The following TSPEAR variants were observed in gnomAD, a reference collection of about 807,000 sequenced individuals.
TSPEAR encodes thrombospondin-type laminin G domain and EAR repeat-containing protein.
TSPEAR carries 69 observed loss-of-function variants against 71.6 expected under a neutral mutation model. The ratio of observed to expected loss-of-function variants is 0.96; its 90% CI spans 0.79 to 1.18. TSPEAR has a LOEUF of 1.18. TSPEAR is among the 50% of genes most tolerant of loss of function. The probability of loss-of-function intolerance (pLI) is 0.00; values close to 1 mark genes in which losing one functional copy is unlikely to be tolerated. For missense variants in TSPEAR, 971 were observed against 894.9 expected, an observed-to-expected ratio of 1.09 and a Z score of -1.09; for synonymous variants, 402 against 387.2, an observed-to-expected ratio of 1.04 and a Z score of -0.45.
chr21:44,560,779 A>G (rs1360163576), intron 2 of TSPEAR, among the ~76,000 whole-genome samples: 1 of 152,222 alleles, frequency 6.6e-6, no homozygotes, highest in African/African-American at 2.4e-5. Flanking sequence ...GTTATTTGAA[A>G]CCAATGAGAA....
At chr21:44,504,557 T>G (rs1336593830) in intron 11 of TSPEAR, among the ~76,000 whole-genome samples, 30 of 70,318 alleles carry the variant, frequency 4.3e-4, no homozygotes, top group East Asian at 1.4e-3. Flanking sequence ...GGGAAGCAAG[T>G]CTCTTGGAGG....
intron 1 of TSPEAR, among the ~76,000 whole-genome samples, chr21:44,709,948 A>G (rs571471341): frequency 5.3e-4 from 81 of 152,282 alleles, no homozygotes; most frequent in Middle Eastern, 3.4e-3. Context: ...TCATCTTTTA[A>G]CTATTTGCAA....
At chr21:44,529,722 C>T (rs56921414) in intron 5 of TSPEAR, 76 bp downstream of exon 5, 1 of 1,559,072 alleles carries the variant, frequency 6.4e-7, no homozygotes, top group Non-Finnish European at 8.8e-7. Flanking sequence ...GAGCTGAGCC[C>T]TGAGTTCCCG....
intron 1 of TSPEAR, chr21:44,676,787 CT>C: frequency 1.1e-6 from 1 of 886,808 alleles, no homozygotes; most frequent in Non-Finnish European, 1.9e-6. Context: ...TGTTCTAATG[CT>C]TTTGCTACTA....
Position 44,499,997 on chromosome 21 carries a change from C to T in TSPEAR, c.1857-61G>A, listed in dbSNP as rs1258068201. 4.1e-5 allele frequency: 62 copies of T among 1,510,492 alleles called. 2 individuals are homozygous for T. In the East Asian group the frequency reaches 4.6e-4, roughly 11 times the overall value. The allele number at this position is 1,510,492 out of a possible 1,614,324, so 93.6% of individuals were successfully genotyped here. A position where few individuals can be genotyped will look rare whatever the true frequency, so the allele number is the denominator to read the frequency against. On this transcript the variant is annotated intron_variant, in intron 11 of 11. Transcript: ENST00000323084. ...GCTCTGCGGGGCAGCTCCTCTCCCC[C>T]GGCTCCCACCCGCGCTGTCAGGGAC... is the stretch of plus-strand genomic sequence containing the variant.
At position 44,529,878 on chromosome 21, in the gene TSPEAR, A is replaced by G; in HGVS notation, c.710T>C (p.Leu237Pro). 6.2e-7 allele frequency: 1 copy of G among 1,613,602 alleles called. No homozygotes were observed. The highest frequency in any genetic ancestry group is 8.5e-7 in the Non-Finnish European group (1 of 1,179,916). Reference protein sequence around the residue: ...PRLCPSRNAPLAVLSIPRVLQ... With the variant: ...PRLCPSRNAPPAVLSIPRVLQ... ...GACCCGTGGGATGGACAGCACCGCC[A>G]GCGGGGCGTTCCTGCTGGGACACAG... Residue 237 changes from leucine to proline, a missense_variant, in exon 5 of 12, where the codon CTG becomes CCG. Coordinates refer to ENST00000323084, the MANE Select transcript of TSPEAR (RefSeq NM_144991.3).
Position 44,529,914 on chromosome 21 carries a change from G to T in TSPEAR, c.674C>A (p.Ala225Asp). ...CCTGCTGGGACACAGCCTTGGGGTG[G>T]CGTCTGAGCCCGGCAGCAGGACCAG... ...RQLVLLPGSD[A>D]TPRLCPSRNA... is the part of the protein sequence containing the mutation. The change falls in exon 5 of 12, where the codon GCC becomes GAC. Residue 225 changes from alanine to aspartate, a missense_variant. Transcript: ENST00000323084. The T allele has an allele frequency of 2.5e-6, 4 of 1,611,082 alleles. No individual in the cohort carries two copies. The highest frequency in any genetic ancestry group is 2.5e-6 in the Non-Finnish European group (3 of 1,179,458).
At chr21:44,539,056 A>G (rs2053149237) in intron 2 of TSPEAR, 8 of 632,674 alleles carry the variant, frequency 1.3e-5, no homozygotes, top group Middle Eastern at 4.2e-4. Flanking sequence ...AGTGACCCAG[A>G]GCAGAGAAGC....
chr21:44,586,467 T>C (rs587632517), intron 1 of TSPEAR, among the ~76,000 whole-genome samples: 1 of 152,256 alleles, frequency 6.6e-6, no homozygotes, highest in Non-Finnish European at 1.5e-5. Flanking sequence ...AAAAAAAATT[T>C]ACCAAGAGAA....
Position 44,579,805 on chromosome 21 carries a change from C to T in TSPEAR, c.83-11800G>A, listed in dbSNP as rs7510461. The T allele has an allele frequency of 6.8e-3, 10,864 of 1,608,642 alleles. 380 individuals carry two copies. In the African/African-American group the frequency reaches 0.095, roughly 14 times the overall value. On this transcript the variant is annotated intron_variant, in intron 1 of 11. Coordinates refer to ENST00000323084, the MANE Select transcript of TSPEAR (RefSeq NM_144991.3). ...AGCACGCGGGGCGGCAGAGGAGGGA[C>T]ACGCAGGAGGCCGGGCGGCAGCAGC...
intron 1 of TSPEAR, among the ~76,000 whole-genome samples, chr21:44,703,965 AG>A (rs1220188311): frequency 6.6e-6 from 1 of 152,178 alleles, no homozygotes; most frequent in Admixed American, 6.5e-5. Context: ...CTGCAATCCC[AG>A]GAGGCCCTGA....
At chr21:44,650,040 A>G (rs587594536) in intron 1 of TSPEAR, among the ~76,000 whole-genome samples, 1 of 152,288 alleles carries the variant, frequency 6.6e-6, no homozygotes, top group Non-Finnish European at 1.5e-5. Context: ...CAGGCAACAC[A>G]GTGAGACCCC....
At chr21:44,638,005 T>C (rs782330339) in intron 1 of TSPEAR, 12 of 1,613,094 alleles carry the variant, frequency 7.4e-6, no homozygotes, top group East Asian at 2.2e-5. Context: ...TCTGCCACCC[T>C]GTGTGCAAGT....
chr21:44,504,937 G>T, intron 10 of TSPEAR, 56 bp from the exon 11 acceptor site: 1 of 1,447,700 alleles, frequency 6.9e-7, no homozygotes, highest in Middle Eastern at 1.7e-4. Context: ...AGGGAACTGG[G>T]GGATTGGCCA....
chr21:44,588,998 A>G (rs1699040), intron 1 of TSPEAR, among the ~76,000 whole-genome samples: 132,132 of 151,594 alleles, frequency 0.87, 57,659 homozygotes, highest in Admixed American at 0.9. Context: ...GGGGACTGAG[A>G]GGGAAAGGGC....
intron 1 of TSPEAR, among the ~76,000 whole-genome samples, chr21:44,583,154 T>C (rs1555925367): frequency 6.8e-6 from 1 of 146,776 alleles, no homozygotes; most frequent in East Asian, 2.0e-4. Context: ...GATCACATCA[T>C]TTCTTAAATC....
chr21:44,679,852 G>A (rs1259207447), intron 1 of TSPEAR, among the ~76,000 whole-genome samples: 1 of 152,102 alleles, frequency 6.6e-6, no homozygotes, highest in Non-Finnish European at 1.5e-5. Flanking sequence ...GAATGAAACT[G>A]GATCCCTACC....
chr21:44,704,590 C>T lies in TSPEAR; in HGVS notation c.82+6843G>A, dbSNP rs1218820545. Among the ~76,000 whole-genome samples the T allele has an allele frequency of 5.3e-5, 8 of 152,326 alleles. No individual in the cohort carries two copies. In the East Asian group the frequency reaches 1.5e-3, roughly 29 times the overall value. ...AGCTGGTTACCCAGATTGTTCAACA[C>T]CGAGGGGCAGCGGCTTGAGGGTCTT... is the stretch of plus-strand genomic sequence containing the variant. On this transcript the variant is annotated intron_variant, in intron 1 of 11. Coordinates refer to ENST00000323084, the MANE Select transcript of TSPEAR (RefSeq NM_144991.3).
At chr21:44,662,277 G>A (rs1985536460) in intron 1 of TSPEAR, among the ~76,000 whole-genome samples, 1 of 151,860 alleles carries the variant, frequency 6.6e-6, no homozygotes, top group Admixed American at 6.6e-5. Context: ...AACATAGATA[G>A]GTTAAAAGTA....
Sources: allele counts gnomAD v4.1 joint callset (sites outside exome capture counted in the v4.1 genomes callset), GRCh38; gene constraint gnomAD v4.1.1; transcripts MANE v1.5; gene names NCBI Gene and HGNC (gene_info 2026-07-23, HGNC 2026-07-21).